Variants in PRKD1 observed in about 807,000 individuals in gnomAD.
PRKD1 encodes the protein serine/threonine-protein kinase D1.
PRKD1 carries 63 observed loss-of-function variants against 95.9 expected under a neutral mutation model. The ratio of observed to expected loss-of-function variants is 0.66; its 90% CI spans 0.54 to 0.81. The LOEUF is 0.81. Ranked by LOEUF, PRKD1 falls within the 30% of genes least tolerant of loss-of-function variation. The pLI is 0.00. For missense variants in PRKD1, 1,048 were observed against 1,165.3 expected (o/e 0.90, Z 1.47); for synonymous variants, 425 against 423.1 (o/e 1.00, Z -0.05).
chr14:29,586,639 CTTTT>C (rs146490824), intron 16 of PRKD1, among the ~76,000 whole-genome samples: 1 of 151,980 alleles, frequency 6.6e-6, no homozygotes, highest in African/African-American at 2.4e-5. Context: ...TTACTCTCTC[CTTTT>C]TTTGTTTGTT....
intron 2 of PRKD1, among the ~76,000 whole-genome samples, chr14:29,680,829 G>A (rs941456734): frequency 6.6e-6 from 1 of 152,232 alleles, no homozygotes; most frequent in South Asian, 2.1e-4. Context: ...ATAGAGTTCC[G>A]ATTTGAGGTT....
At chr14:29,780,007 T>C (rs1566596941) in intron 1 of PRKD1, among the ~76,000 whole-genome samples, 1 of 152,152 alleles carries the variant, frequency 6.6e-6, no homozygotes, top group Non-Finnish European at 1.5e-5. Flanking sequence ...ATCTGATCTT[T>C]GACAAACCTG....
At chr14:29,634,034 ACG>A (rs1383399873) in intron 8 of PRKD1, among the ~76,000 whole-genome samples, 1 of 152,218 alleles carries the variant, frequency 6.6e-6, no homozygotes, top group African/African-American at 2.4e-5. Flanking sequence ...TTAAGGACTT[ACG>A]AAGTATAAGA....
chr14:29,898,136 C>T (rs79953045), intron 1 of PRKD1, among the ~76,000 whole-genome samples: 9,879 of 152,006 alleles, frequency 0.065, 393 homozygotes, highest in South Asian at 0.11. Context: ...TTTTTGCTTT[C>T]GAAGTCAGTG....
At chr14:29,914,817 G>A (rs1318378849) in intron 1 of PRKD1, among the ~76,000 whole-genome samples, 1 of 151,402 alleles carries the variant, frequency 6.6e-6, no homozygotes, top group Non-Finnish European at 1.5e-5. Context: ...CTGTCGCCCA[G>A]GCTGGAGTGC....
intron 1 of PRKD1, among the ~76,000 whole-genome samples, chr14:29,733,542 C>T (rs1437427278): frequency 6.6e-6 from 1 of 152,088 alleles, no homozygotes; most frequent in Non-Finnish European, 1.5e-5. Flanking sequence ...TTCAGCATGG[C>T]TTGGGAGGCC....
chr14:29,854,153 C>G (rs1892413285), intron 1 of PRKD1, among the ~76,000 whole-genome samples: 1 of 152,112 alleles, frequency 6.6e-6, no homozygotes, highest in South Asian at 2.1e-4. Context: ...TGAAAAGATA[C>G]CCAAAAATGT....
chr14:29,606,206 T>C (rs1192853303), intron 13 of PRKD1, among the ~76,000 whole-genome samples: 1 of 152,066 alleles, frequency 6.6e-6, no homozygotes, highest in African/African-American at 2.4e-5. Flanking sequence ...GGAAACGGGG[T>C]TTCACCATGT....
intron 1 of PRKD1, among the ~76,000 whole-genome samples, chr14:29,849,481 C>G (rs1273096637): frequency 6.6e-6 from 1 of 151,922 alleles, no homozygotes; most frequent in Non-Finnish European, 1.5e-5. Context: ...AAAACAGACA[C>G]CTTCCTAAGA....
intron 2 of PRKD1, among the ~76,000 whole-genome samples, chr14:29,720,307 G>T (rs1360971922): frequency 3.9e-5 from 6 of 152,174 alleles, no homozygotes. Flanking sequence ...AATGTAAGTA[G>T]TGAAGAATAG....
chr14:29,769,862 C>T (rs1888425319), intron 1 of PRKD1, among the ~76,000 whole-genome samples: 1 of 152,158 alleles, frequency 6.6e-6, no homozygotes, highest in Non-Finnish European at 1.5e-5. Flanking sequence ...TATTATAAAT[C>T]ATATACATTA....
chr14:29,842,954 T>G (rs61338745), intron 1 of PRKD1, among the ~76,000 whole-genome samples: 5,486 of 152,182 alleles, frequency 0.036, 353 homozygotes, highest in African/African-American at 0.12. Context: ...AGTGAAATGG[T>G]AAACAAAAAC....
At chr14:29,590,600 C>A (rs1054530271) in intron 16 of PRKD1, among the ~76,000 whole-genome samples, 1 of 152,076 alleles carries the variant, frequency 6.6e-6, no homozygotes, top group African/African-American at 2.4e-5. Flanking sequence ...TTAACTCAGA[C>A]ACGCTTGGTT....
intron 16 of PRKD1, among the ~76,000 whole-genome samples, chr14:29,580,340 C>T (rs541407084): frequency 3.9e-5 from 6 of 152,234 alleles, no homozygotes; most frequent in Admixed American, 3.3e-4. Context: ...AGTCTGACTA[C>T]GCCACAGTAC....
intron 1 of PRKD1, among the ~76,000 whole-genome samples, chr14:29,800,495 C>A (rs1371387973): frequency 6.6e-6 from 1 of 152,134 alleles, no homozygotes; most frequent in Non-Finnish European, 1.5e-5. Flanking sequence ...TAACTTTGGG[C>A]CTAATAATGA....
intron 1 of PRKD1, among the ~76,000 whole-genome samples, chr14:29,910,192 A>G (rs1376605372): frequency 6.6e-6 from 1 of 152,156 alleles, no homozygotes; most frequent in Non-Finnish European, 1.5e-5. Flanking sequence ...TCCTGAGGCC[A>G]GTGAGACCAT....
intron 1 of PRKD1, among the ~76,000 whole-genome samples, chr14:29,764,759 A>G (rs922151193): frequency 2.6e-5 from 4 of 152,236 alleles, no homozygotes; most frequent in African/African-American, 9.6e-5. Flanking sequence ...TTAAGTTTCA[A>G]TATGAACTTT....
intron 16 of PRKD1, among the ~76,000 whole-genome samples, chr14:29,584,164 T>C (rs143115460): frequency 2.6e-5 from 4 of 152,350 alleles, no homozygotes; most frequent in African/African-American, 9.6e-5. Flanking sequence ...GAATATGATA[T>C]AGATTCCATT....
At chr14:29,630,670 G>GGGCACATGTTTACTAAGCAAGGGGTA in intron 10 of PRKD1, 72 bp downstream of exon 10, 2 of 1,574,336 alleles carry the variant, frequency 1.3e-6, no homozygotes, top group Non-Finnish European at 1.7e-6. Flanking sequence ...AGGAAGGGCA[G>GGGCACATGTTTACTAAGCAAGGGGTA]GGCACATGTT....
Sources: gnomAD v4.1 joint callset for allele counts (sites outside exome capture counted in the v4.1 genomes callset) on GRCh38, gnomAD v4.1.1 for gene constraint, MANE v1.5 for transcripts, NCBI Gene and HGNC (gene_info 2026-07-23, HGNC 2026-07-21) for gene names.